The following FAT4 variants were observed in gnomAD, a reference collection of about 807,000 sequenced individuals.
FAT4 encodes protocadherin Fat 4.
Under a neutral mutation model 303.9 loss-of-function variants are expected in FAT4, and 84 were observed. The ratio of observed to expected loss-of-function variants is 0.28; its 90% CI spans 0.23 to 0.33. The LOEUF (loss-of-function observed/expected upper bound fraction) is 0.33. Ranked by LOEUF, FAT4 falls within the 10% of genes least tolerant of loss-of-function variation. The pLI, the probability that FAT4 is intolerant of heterozygous loss-of-function variation, is 1.00. For synonymous variants in FAT4, 2,307 were observed against 2,298.8 expected (o/e 1.00, Z -0.10); for missense variants, 6,005 against 6,146.8 (o/e 0.98, Z 0.77).
At chr4:125,484,060 TACAC>T (rs34883833) in intron 16 of FAT4, among the ~76,000 whole-genome samples, 21,740 of 137,848 alleles carry the variant, frequency 0.16, 1,647 homozygotes, top group East Asian at 0.37. Flanking sequence ...CAGACACACA[TACAC>T]ACACACACAC....
At chr4:125,326,759 A>T (rs571830602) in intron 2 of FAT4, among the ~76,000 whole-genome samples, 1 of 152,230 alleles carries the variant, frequency 6.6e-6, no homozygotes, top group South Asian at 2.1e-4. Flanking sequence ...ATTTAAGGCC[A>T]GGCAAAGTGG....
chr4:125,441,097 T>C (rs1725647240), intron 8 of FAT4, among the ~76,000 whole-genome samples: 1 of 152,190 alleles, frequency 6.6e-6, no homozygotes, highest in African/African-American at 2.4e-5. Flanking sequence ...ATCTATGTAG[T>C]ACACTGTCCT....
chr4:125,351,044 T>A (rs1199267071), intron 2 of FAT4, among the ~76,000 whole-genome samples: 1 of 151,710 alleles, frequency 6.6e-6, no homozygotes, highest in Non-Finnish European at 1.5e-5. Flanking sequence ...ATGCTTTGCA[T>A]CATTAGACAG....
intron 7 of FAT4, among the ~76,000 whole-genome samples, chr4:125,428,001 CTTATT>C (rs1485051520): frequency 6.6e-6 from 1 of 151,934 alleles, no homozygotes; most frequent in Non-Finnish European, 1.5e-5. Context: ...TTTTTCAAAT[CTTATT>C]TTAAGTTTTA....
chr4:125,320,924 A>G lies in FAT4; in HGVS notation c.4513A>G (p.Ile1505Val), dbSNP rs1032501029. The G allele has an allele frequency of 6.2e-7, 1 of 1,614,080 alleles. No individual in the cohort carries two copies. Among genetic ancestry groups the G allele is most frequent in the Non-Finnish European group, 8.5e-7 (1 of 1,180,026 alleles). The change falls in exon 2 of 18, where the codon ATA becomes GTA. Residue 1505 changes from isoleucine (I) to valine (V), a missense_variant. Ile to Val is a conservative substitution (Grantham distance 29, BLOSUM62 3). Coordinates refer to ENST00000394329, the MANE Select transcript of FAT4 (RefSeq NM_001291303.3). Reference protein sequence around the residue: ...TVKANDQAVPIETRRYALKNV... With the variant: ...TVKANDQAVPVETRRYALKNV... Reference sequence around the variant, plus strand: ...AAAAGCCAATGATCAAGCTGTGCCAATAGAAACTAGACGGTATGCTTTGAA... The same window carrying G: ...AAAAGCCAATGATCAAGCTGTGCCAGTAGAAACTAGACGGTATGCTTTGAA...
chr4:125,317,892 T>G lies in FAT4; in HGVS notation c.1481T>G (p.Val494Gly), dbSNP rs759554800. 6.2e-7 allele frequency: 1 copy of G among 1,614,174 alleles called. No homozygotes were observed. Among genetic ancestry groups the G allele is most frequent in the Admixed American group, 1.7e-5 (1 of 60,030 alleles). The change falls in exon 2 of 18, where the codon GTG becomes GGG. Residue 494 changes from valine to glycine, a missense_variant. Physicochemically the swap from Val to Gly is moderately radical, Grantham distance 109. Transcript: ENST00000394329. The surrounding 1 kb of genome is among the most constrained non-coding windows in gnomAD (Gnocchi z 7.0). Reference protein sequence around the residue: ...LSEEAPPGSYVSGISATDGDS... With the variant: ...LSEEAPPGSYGSGISATDGDS... The stretch of plus-strand genomic sequence containing the variant: ...GAGGAGGCGCCTCCGGGAAGCTATG[T>G]GAGTGGGATATCTGCCACTGATGGC...
At chr4:125,434,451 T>C in intron 8 of FAT4, 26 bp downstream of exon 8, 1 of 1,604,502 alleles carries the variant, frequency 6.2e-7, no homozygotes, top group East Asian at 2.2e-5. Flanking sequence ...TTTGTAAAGT[T>C]TGTCTGTTTT....
intron 17 of FAT4, 98 bp from the exon 18 acceptor site, chr4:125,489,803 T>C: frequency 1.0e-6 from 1 of 970,264 alleles, no homozygotes; most frequent in East Asian, 2.6e-5. Flanking sequence ...ATGAGGTGAT[T>C]GTGGAGCTTC....
Position 125,452,671 on chromosome 4 carries a change from A to T in FAT4, c.11661A>T (p.Ser3887=), listed in dbSNP as rs1315677973. Residue 3887 remains serine, a synonymous_variant, in exon 10 of 18, where the codon TCA becomes TCT. Coordinates refer to ENST00000394329, the MANE Select transcript of FAT4 (RefSeq NM_001291303.3). ...GTCACAATTTAGTGGGAGGATTTTCATGCAGCTGCCCAGATGGCTTCACTG... is the reference window on the plus strand; with the variant it reads ...GTCACAATTTAGTGGGAGGATTTTCTTGCAGCTGCCCAGATGGCTTCACTG... The part of the protein sequence containing the change: ...GTCHNLVGGF[S]CSCPDGFTGR... The T allele has an allele frequency of 6.2e-7, 1 of 1,614,008 alleles. No homozygotes were observed. Among genetic ancestry groups the T allele is most frequent in the Admixed American group, 1.7e-5 (1 of 59,998 alleles).
chr4:125,475,973 T>C (rs1347750834), intron 12 of FAT4, among the ~76,000 whole-genome samples, 198 bp from the exon 13 acceptor site: 1 of 152,122 alleles, frequency 6.6e-6, no homozygotes, highest in South Asian at 2.1e-4. Context: ...TAGATAGTCA[T>C]AATTTTAGTT....
rs867352164 is a variant in FAT4 at position 125,446,418 on chromosome 4, C to T, written c.7325C>T (p.Ala2442Val). The change falls in exon 9 of 18, where the codon GCG (alanine) becomes GTG (valine). Residue 2442 changes from alanine (A) to valine (V), a missense_variant. Transcript: ENST00000394329. ...NYTLVVVCSD[A>V]GSPEPLSSST... ...ACTTTGGTAGTGGTCTGCAGTGATG[C>T]GGGATCCCCAGAGCCTCTTTCCAGT... 5.0e-6 allele frequency: 8 copies of T among 1,613,302 alleles called. No homozygotes were observed. The highest frequency in any genetic ancestry group is 2.7e-5 in the African/African-American group (2 of 74,852).
chr4:125,376,159 A>C (rs896704505), intron 2 of FAT4, among the ~76,000 whole-genome samples: 8 of 152,216 alleles, frequency 5.3e-5, no homozygotes, highest in Admixed American at 5.2e-4. Context: ...TTATTTGTGT[A>C]AGAATTATAC....
Position 125,408,611 on chromosome 4 carries a change from A to G in FAT4, c.5737A>G (p.Ile1913Val), listed in dbSNP as rs767219116. 5.0e-6 allele frequency: 8 copies of G among 1,612,828 alleles called. No homozygotes were observed. The highest frequency in any genetic ancestry group is 1.7e-5 in the Admixed American group (1 of 59,952). ...LLDYEVQQYY[I>V]LTVRAEDGGG... is the part of the protein sequence containing the mutation. ...AGATTATGAAGTACAGCAATATTAT[A>G]TCCTCACTGTTCGAGCAGAAGATGG... The change falls in exon 5 of 18, where the codon ATC becomes GTC. Residue 1913 changes from isoleucine (I) to valine (V), a missense_variant. Transcript: ENST00000394329.
intron 2 of FAT4, among the ~76,000 whole-genome samples, chr4:125,377,108 G>C (rs1464065670): frequency 6.6e-6 from 1 of 151,782 alleles, no homozygotes; most frequent in East Asian, 1.9e-4. Flanking sequence ...TGTCATGTGG[G>C]GTTTCATATA....
Position 125,449,980 on chromosome 4 carries a change from T to C in FAT4, c.8970T>C (p.Tyr2990=). 6.2e-7 allele frequency: 1 copy of C among 1,613,822 alleles called. No homozygotes were observed. The highest frequency in any genetic ancestry group is 8.5e-7 in the Non-Finnish European group (1 of 1,179,908). The change falls in exon 10 of 18, where the codon TAT becomes TAC. Residue 2990 remains tyrosine (Y), a synonymous_variant. Transcript: ENST00000394329. ...CACCTCAATTTCTTAAAAGTAAATA[T>C]TTCACTCCAGTCACCAAAAATGTTA... ...DNAPQFLKSK[Y]FTPVTKNVKV...
intron 8 of FAT4, among the ~76,000 whole-genome samples, chr4:125,442,715 T>C (rs1016489259): frequency 6.6e-6 from 1 of 152,160 alleles, no homozygotes; most frequent in African/African-American, 2.4e-5. Context: ...TATGCAAATA[T>C]TCTATCCAGA....
chr4:125,319,453 A>T lies in FAT4; in HGVS notation c.3042A>T (p.Arg1014=), dbSNP rs760025707. 6.2e-7 allele frequency: 1 copy of T among 1,613,860 alleles called. No homozygotes were observed. The highest frequency in any genetic ancestry group is 1.1e-5 in the South Asian group (1 of 91,076). ...CTGAGTCAGAACCTGTGAATTCTCG[A>T]TTCTTTAAAGTACAAGCTTCTGATA... ...TLSESEPVNS[R]FFKVQASDKD... Residue 1014 remains arginine (R), a synonymous_variant, in exon 2 of 18, where the codon CGA becomes CGT. Coordinates refer to ENST00000394329, the MANE Select transcript of FAT4 (RefSeq NM_001291303.3).
At chr4:125,323,549 C>T (rs1731038609) in intron 2 of FAT4, among the ~76,000 whole-genome samples, 2 of 151,972 alleles carry the variant, frequency 1.3e-5, no homozygotes, top group South Asian at 4.1e-4. Flanking sequence ...CTTCTGTGAA[C>T]TTAAGTGCTG....
intron 2 of FAT4, among the ~76,000 whole-genome samples, chr4:125,359,719 C>T (rs996863824): frequency 2.6e-5 from 4 of 152,064 alleles, no homozygotes; most frequent in Non-Finnish European, 5.9e-5. Flanking sequence ...AGAAGAAAAT[C>T]GTACTTTCAT....
Sources: gnomAD v4.1 joint callset for allele counts (sites outside exome capture counted in the v4.1 genomes callset) on GRCh38, gnomAD v4.1.1 for gene constraint, Gnocchi (gnomAD v3.1) non-coding constraint, MANE v1.5 for transcripts, NCBI Gene and HGNC (gene_info 2026-07-23, HGNC 2026-07-21) for gene names.